Variants in ATP9A observed in about 807,000 individuals in gnomAD.
The protein encoded by ATP9A is ATPase phospholipid transporting 9A, also known as probable phospholipid-transporting ATPase IIA.
In ATP9A, 52 loss-of-function variants were observed where a neutral mutation model predicts 144.1. The observed-to-expected ratio is 0.36, with a 90% CI of 0.29 to 0.45. ATP9A has a LOEUF of 0.45. Among genes scored for constraint, ATP9A ranks in the 20% least tolerant of loss-of-function variants. The pLI is 1.00. For synonymous variants in ATP9A, 582 were observed against 557.4 expected, an observed-to-expected ratio of 1.04 and a Z score of -0.62; for missense variants, 947 against 1,392.7, an observed-to-expected ratio of 0.68 and a Z score of 5.09.
chr20:51,719,079 G>A (rs1370316518), intron 3 of ATP9A, among the ~76,000 whole-genome samples: 1 of 151,334 alleles, frequency 6.6e-6, no homozygotes, highest in Non-Finnish European at 1.5e-5. Flanking sequence ...AGCGAGCCAA[G>A]ATCGAGCCAC....
intron 4 of ATP9A, among the ~76,000 whole-genome samples, chr20:51,705,860 T>G (rs1053732632): frequency 2.0e-5 from 3 of 152,238 alleles, no homozygotes; most frequent in Admixed American, 2.0e-4. Context: ...TTGCTGGGTC[T>G]GCTACATCTC....
intron 14 of ATP9A, among the ~76,000 whole-genome samples, chr20:51,643,310 T>G (rs981055277): frequency 1.3e-5 from 2 of 152,176 alleles, no homozygotes. Flanking sequence ...TAGTTTTAGT[T>G]TTTGGCTACT....
intron 9 of ATP9A, among the ~76,000 whole-genome samples, chr20:51,680,403 C>T (rs779549712): frequency 3.3e-5 from 5 of 151,958 alleles, no homozygotes; most frequent in Non-Finnish European, 7.4e-5. Flanking sequence ...TTCTTCTCAC[C>T]TTCTAAGAGG....
At chr20:51,666,943 G>A (rs1477376504) in intron 13 of ATP9A, among the ~76,000 whole-genome samples, 1 of 152,118 alleles carries the variant, frequency 6.6e-6, no homozygotes, top group Non-Finnish European at 1.5e-5. Flanking sequence ...TCACACACGT[G>A]GTCCTGTGCT....
At chr20:51,750,703 A>G (rs971480330) in intron 1 of ATP9A, among the ~76,000 whole-genome samples, 15 of 152,300 alleles carry the variant, frequency 9.8e-5, no homozygotes, top group African/African-American at 1.4e-4. Context: ...CTTGCAGCCC[A>G]TAAGGGACAG....
chr20:51,710,129 C>T (rs759495927), intron 4 of ATP9A, among the ~76,000 whole-genome samples: 1 of 152,036 alleles, frequency 6.6e-6, no homozygotes, highest in Non-Finnish European at 1.5e-5. Flanking sequence ...TGGTGAAACC[C>T]CATCTCTACT....
chr20:51,673,141 A>C (rs6013250), intron 11 of ATP9A, among the ~76,000 whole-genome samples: 37,212 of 152,078 alleles, frequency 0.24, 4,929 homozygotes, highest in Non-Finnish European at 0.28. Context: ...TGGGAAGCTG[A>C]GGCGGGTGGA....
At chr20:51,612,794 T>C (rs2077189631) in intron 23 of ATP9A, among the ~76,000 whole-genome samples, 1 of 152,182 alleles carries the variant, frequency 6.6e-6, no homozygotes, top group South Asian at 2.1e-4. Flanking sequence ...AATCCTTTTA[T>C]GAAAAAGCAA....
At position 51,726,549 on chromosome 20, in the gene ATP9A, G is replaced by A. The variant is rs79885120; in HGVS notation, c.214-617C>T. Among the ~76,000 whole-genome samples, 69 of 152,130 alleles carry A rather than the reference G, an allele frequency of 4.5e-4. No individual in the cohort carries two copies. The East Asian group carries it at 0.013, about 28-fold the overall frequency. On this transcript the variant is annotated intron_variant, in intron 2 of 27. Coordinates refer to ENST00000338821, the MANE Select transcript of ATP9A (RefSeq NM_006045.3). Reference sequence around the variant, plus strand: ...AAAATCTAACATGGAGGGGCACACAGGGGCATCAACTATGTTATGTGTGTT... The same window carrying A: ...AAAATCTAACATGGAGGGGCACACAAGGGCATCAACTATGTTATGTGTGTT...
chr20:51,648,265 G>A (rs1049437114), intron 14 of ATP9A, among the ~76,000 whole-genome samples: 4 of 152,154 alleles, frequency 2.6e-5, no homozygotes, highest in South Asian at 2.1e-4. Context: ...CAGAAGGACC[G>A]CGAGATTGCC....
chr20:51,698,926 A>G (rs1018595536), intron 4 of ATP9A, among the ~76,000 whole-genome samples: 7 of 152,174 alleles, frequency 4.6e-5, no homozygotes, highest in Admixed American at 3.9e-4. Context: ...AGGAAGAGAG[A>G]ATTTATTCTG....
intron 19 of ATP9A, among the ~76,000 whole-genome samples, chr20:51,620,492 C>G (rs557338867): frequency 1.3e-4 from 20 of 152,212 alleles, no homozygotes; most frequent in South Asian, 6.2e-4. Flanking sequence ...ATGTGCGTTT[C>G]TACTTAAAGA....
chr20:51,658,891 G>T (rs8183868), intron 13 of ATP9A, among the ~76,000 whole-genome samples: 704 of 53,340 alleles, frequency 0.013, 46 homozygotes, highest in East Asian at 0.069. Flanking sequence ...CCACTGGCGG[G>T]GGGGGGGGGG....
Position 51,759,975 on chromosome 20 carries a change from T to A in ATP9A, c.68+8327A>T, listed in dbSNP as rs77723715. 2.9e-3 allele frequency among the ~76,000 whole-genome samples: 447 copies of A among 152,156 alleles called. 2 individuals are homozygous for A. The highest frequency in any genetic ancestry group is 4.8e-3 in the Non-Finnish European group (324 of 68,008). ...CCTGCCCCGCCCCCAGACACACACATTCCCAGCTGAGGTGACACAAGGCTT... is the reference window on the plus strand; with the variant it reads ...CCTGCCCCGCCCCCAGACACACACAATCCCAGCTGAGGTGACACAAGGCTT... On this transcript the variant is annotated intron_variant, in intron 1 of 27. Coordinates refer to ENST00000338821, the MANE Select transcript of ATP9A (RefSeq NM_006045.3).
At chr20:51,690,453 G>T (rs1351881833) in intron 8 of ATP9A, among the ~76,000 whole-genome samples, 1 of 152,104 alleles carries the variant, frequency 6.6e-6, no homozygotes, top group Non-Finnish European at 1.5e-5. Flanking sequence ...TCCATCTGAA[G>T]GACAGAGAAA....
chr20:51,718,673 G>A (rs896566828), intron 3 of ATP9A, among the ~76,000 whole-genome samples: 14 of 150,926 alleles, frequency 9.3e-5, no homozygotes, highest in Admixed American at 4.0e-4. Flanking sequence ...AAGTTAGCCA[G>A]GTGTGGTGGC....
Position 51,696,050 on chromosome 20 carries a change from G to T in ATP9A, c.547+43C>A, listed in dbSNP as rs757030871. Reference sequence around the variant, plus strand: ...ATGATTATTTTGCCAAATTACCACTGAAAGGTTAATGGTTATTTTCCAAAT... The same window carrying T: ...ATGATTATTTTGCCAAATTACCACTTAAAGGTTAATGGTTATTTTCCAAAT... On this transcript the variant is annotated intron_variant, in intron 6 of 27. Transcript: ENST00000338821. 87 of 1,553,968 alleles carry T rather than the reference G, an allele frequency of 5.6e-5. 2 individuals carry two copies. The South Asian group carries it at 9.2e-4, about 16-fold the overall frequency.
At chr20:51,690,637 T>C in intron 8 of ATP9A, 102 bp downstream of exon 8, 1 of 1,010,688 alleles carries the variant, frequency 9.9e-7, no homozygotes. Context: ...CCACCTGGCA[T>C]GAAACAACTT....
chr20:51,746,838 C>G (rs2077810377), intron 1 of ATP9A, among the ~76,000 whole-genome samples: 1 of 151,970 alleles, frequency 6.6e-6, no homozygotes, highest in African/African-American at 2.4e-5. Context: ...GACTCCATCT[C>G]AAAAAACAAA....
Sources: gnomAD v4.1 joint callset for allele counts (sites outside exome capture counted in the v4.1 genomes callset) on GRCh38, gnomAD v4.1.1 for gene constraint, MANE v1.5 for transcripts, NCBI Gene and HGNC (gene_info 2026-07-23, HGNC 2026-07-21) for gene names.